Variants in DPP10 observed in about 807,000 individuals in gnomAD.
DPP10 encodes the protein inactive dipeptidyl peptidase 10.
Under a neutral mutation model 120.9 loss-of-function variants are expected in DPP10, and 33 were observed. The ratio of observed to expected loss-of-function variants is 0.27; its 90% confidence interval spans 0.21 to 0.37. DPP10 has a LOEUF of 0.37. Among genes scored for constraint, DPP10 ranks in the 10% least tolerant of loss-of-function variants. DPP10 has a pLI of 1.00. For missense variants in DPP10, 816 were observed against 942.8 expected (o/e 0.87, Z 1.76); for synonymous variants, 337 against 326.1 (o/e 1.03, Z -0.36).
chr2:114,670,908 A>G (rs1698292178), intron 1 of DPP10, among the ~76,000 whole-genome samples: 1 of 152,152 alleles, frequency 6.6e-6, no homozygotes, highest in Non-Finnish European at 1.5e-5. Flanking sequence ...TGTGATTATA[A>G]TAATTATCAC....
At chr2:115,149,124 C>T (rs2051392586) in intron 1 of DPP10, among the ~76,000 whole-genome samples, 1 of 152,138 alleles carries the variant, frequency 6.6e-6, no homozygotes, top group Non-Finnish European at 1.5e-5. Flanking sequence ...TTCTTCTCTT[C>T]TCTGCATTTC....
At chr2:115,493,569 G>A (rs758541073) in intron 3 of DPP10, among the ~76,000 whole-genome samples, 1 of 150,190 alleles carries the variant, frequency 6.7e-6, no homozygotes, top group Non-Finnish European at 1.5e-5. Flanking sequence ...TGTTTAGATA[G>A]CAATTGAGAG....
intron 7 of DPP10, among the ~76,000 whole-genome samples, chr2:115,700,114 A>G (rs1421359363): frequency 1.3e-5 from 2 of 152,164 alleles, no homozygotes; most frequent in African/African-American, 4.8e-5. Flanking sequence ...ACACTTTTAA[A>G]CAAACAGATC....
chr2:115,690,396 G>A (rs2091248707), intron 7 of DPP10, among the ~76,000 whole-genome samples: 1 of 151,992 alleles, frequency 6.6e-6, no homozygotes, highest in Admixed American at 6.6e-5. Flanking sequence ...GATATATAAA[G>A]CAGTTTGAGC....
intron 5 of DPP10, among the ~76,000 whole-genome samples, chr2:115,611,611 A>T (rs1490903859): frequency 6.6e-6 from 1 of 152,156 alleles, no homozygotes; most frequent in Admixed American, 6.5e-5. Context: ...TCCGTGCTTC[A>T]TCTACTGTAG....
At chr2:115,053,626 T>C (rs1286162321) in intron 1 of DPP10, among the ~76,000 whole-genome samples, 4 of 152,214 alleles carry the variant, frequency 2.6e-5, no homozygotes. Context: ...TTTATCCCTG[T>C]TTTTAAACAT....
intron 1 of DPP10, among the ~76,000 whole-genome samples, chr2:115,100,460 A>ACACG (rs2048629885): frequency 1.4e-5 from 1 of 70,222 alleles, no homozygotes; most frequent in Non-Finnish European, 2.9e-5. Flanking sequence ...AAATTAAAAA[A>ACACG]CACACACACA....
intron 5 of DPP10, among the ~76,000 whole-genome samples, chr2:115,530,126 A>T (rs1334955162): frequency 1.3e-5 from 2 of 152,202 alleles, no homozygotes; most frequent in East Asian, 3.9e-4. Context: ...GAATGCTAGC[A>T]TTTAAATAAA....
intron 1 of DPP10, among the ~76,000 whole-genome samples, chr2:115,014,031 C>T (rs1473968228): frequency 6.6e-6 from 1 of 152,178 alleles, no homozygotes; most frequent in South Asian, 2.1e-4. Context: ...CCCAAATCAA[C>T]AGAATATACA....
At chr2:115,445,492 C>T (rs2072494015) in intron 3 of DPP10, among the ~76,000 whole-genome samples, 1 of 152,104 alleles carries the variant, frequency 6.6e-6, no homozygotes, top group Admixed American at 6.6e-5. Context: ...CTTAGATGAA[C>T]AGTTTCCTCA....
At chr2:115,311,072 A>G (rs116604061) in intron 2 of DPP10, among the ~76,000 whole-genome samples, 20 of 152,270 alleles carry the variant, frequency 1.3e-4, no homozygotes, top group South Asian at 8.3e-4. Context: ...CCAGTATAAA[A>G]CCACAGTGAT....
chr2:115,010,548 G>A (rs1185394922), intron 1 of DPP10, among the ~76,000 whole-genome samples: 3 of 151,652 alleles, frequency 2.0e-5, no homozygotes, highest in African/African-American at 7.3e-5. Context: ...ATATGTATGT[G>A]TATATATATA....
chr2:114,916,198 C>T (rs149413184), intron 1 of DPP10, among the ~76,000 whole-genome samples: 43 of 152,204 alleles, frequency 2.8e-4, no homozygotes, highest in African/African-American at 6.7e-4. Context: ...TTATGAACAC[C>T]GCTATTCACA....
In DPP10 at chr2:115,777,737, C is replaced by CA. The variant is rs750212998; in HGVS notation, c.1314-44dup. The CA allele has an allele frequency of 5.0e-6, 8 of 1,589,388 alleles. No homozygotes were observed. In the African/African-American group the frequency reaches 1.1e-4, roughly 21 times the overall value. On this transcript the variant is annotated intron_variant, in intron 14 of 25. Coordinates refer to ENST00000410059, the MANE Select transcript of DPP10 (RefSeq NM_020868.6). ...ACAATGTGACAAAATTCACAGATCACAAAAAATAGATCTGTGTCTAATGCT... is the reference window on the plus strand; with the variant it reads ...ACAATGTGACAAAATTCACAGATCACAAAAAAATAGATCTGTGTCTAATGCT...
At chr2:114,718,667 G>T (rs1423756941) in intron 1 of DPP10, among the ~76,000 whole-genome samples, 1 of 152,112 alleles carries the variant, frequency 6.6e-6, no homozygotes, top group Non-Finnish European at 1.5e-5. Flanking sequence ...AAGGATTCTT[G>T]GATGCTATTT....
chr2:115,649,235 G>A (rs910151768), intron 5 of DPP10, among the ~76,000 whole-genome samples: 8 of 152,082 alleles, frequency 5.3e-5, no homozygotes, highest in Non-Finnish European at 8.8e-5. Flanking sequence ...TTCTATGTGA[G>A]AGGAGCTACT....
intron 1 of DPP10, among the ~76,000 whole-genome samples, chr2:115,076,843 A>G (rs1707840897): frequency 6.6e-6 from 1 of 152,242 alleles, no homozygotes; most frequent in South Asian, 2.1e-4. Context: ...TTGTGTTCAT[A>G]TGTGAGAGTT....
chr2:114,726,813 G>C (rs912475098), intron 1 of DPP10, among the ~76,000 whole-genome samples: 3 of 152,066 alleles, frequency 2.0e-5, no homozygotes, highest in South Asian at 4.1e-4. Context: ...ATTTTTTCCT[G>C]GGAATATTTC....
intron 4 of DPP10, among the ~76,000 whole-genome samples, chr2:115,523,486 G>C (rs1199486810): frequency 1.3e-5 from 2 of 149,158 alleles, no homozygotes; most frequent in African/African-American, 4.9e-5. Context: ...GTCTTGTTAC[G>C]TATGCTTCTC....
Sources: gnomAD v4.1 joint callset for allele counts (sites outside exome capture counted in the v4.1 genomes callset) on GRCh38, gnomAD v4.1.1 for gene constraint, MANE v1.5 for transcripts, NCBI Gene and HGNC (gene_info 2026-07-23, HGNC 2026-07-21) for gene names.